Variants in WDR3 observed in about 807,000 individuals in gnomAD.
WDR3 encodes the protein WD repeat-containing protein 3.
In WDR3, 81 loss-of-function variants were observed where a neutral mutation model predicts 123.7. The observed-to-expected ratio is 0.65, with a 90% CI of 0.55 to 0.79. The LOEUF (loss-of-function observed/expected upper bound fraction) is 0.79. Among genes scored for constraint, WDR3 ranks in the 30% least tolerant of loss-of-function variants. The probability of loss-of-function intolerance (pLI) is 0.00; values close to 1 mark genes in which losing one functional copy is unlikely to be tolerated. For synonymous variants in WDR3, 390 were observed against 388.8 expected, an observed-to-expected ratio of 1.00 and a Z score of -0.04; for missense variants, 1,027 against 1,123.2, an observed-to-expected ratio of 0.91 and a Z score of 1.22.
At chr1:117,944,649 A>G (rs1651303560) in intron 11 of WDR3, among the ~76,000 whole-genome samples, 1 of 152,120 alleles carries the variant, frequency 6.6e-6, no homozygotes, top group African/African-American at 2.4e-5. Flanking sequence ...TTAATAAATG[A>G]TTACTTGCTA....
intron 4 of WDR3, among the ~76,000 whole-genome samples, chr1:117,937,727 A>G (rs181301300): frequency 6.6e-6 from 1 of 152,226 alleles, no homozygotes; most frequent in African/African-American, 2.4e-5. Flanking sequence ...TTTGCTCATG[A>G]AGGAGGATTA....
chr1:117,949,868 G>A (rs779926787), intron 14 of WDR3, 32 bp downstream of exon 14: 1 of 1,611,626 alleles, frequency 6.2e-7, no homozygotes, highest in Non-Finnish European at 8.5e-7. Context: ...CCATTTTTTG[G>A]AGTGAAAATG....
intron 5 of WDR3, 50 bp downstream of exon 5, chr1:117,938,608 A>G: frequency 6.5e-7 from 1 of 1,537,766 alleles, no homozygotes; most frequent in Non-Finnish European, 8.9e-7. Flanking sequence ...GCAAAAGGGA[A>G]AAGGTGGTGG....
At chr1:117,945,541 T>C (rs956342583) in intron 11 of WDR3, among the ~76,000 whole-genome samples, 2 of 152,208 alleles carry the variant, frequency 1.3e-5, no homozygotes, top group South Asian at 2.1e-4. Flanking sequence ...TAACACCTGA[T>C]ATACCAAATA....
In WDR3 at chr1:117,952,948, AAG is replaced by A; in HGVS notation, c.2158_2159del (p.Glu720SerfsTer4). ...LILEEEREMEREAEYEESVAK... is the reference protein window; with the variant it reads ...LILEEEREMEXEAEYEESVAK... Reference sequence around the variant, plus strand: ...AATGTATATCTATCTCATGGCAGGAAAGAGAAGCAGAATATGAGGAGAGTGTG... The same window carrying A: ...AATGTATATCTATCTCATGGCAGGAAAGAAGCAGAATATGAGGAGAGTGTG... On this transcript the variant is annotated frameshift_variant, in exon 20 of 27. Transcript: ENST00000349139. LOFTEE classifies it high-confidence loss of function. The A allele has an allele frequency of 6.2e-7, 1 of 1,613,128 alleles. No homozygotes were observed. The highest frequency in any genetic ancestry group is 8.5e-7 in the Non-Finnish European group (1 of 1,179,354).
At chr1:117,934,366 T>A in intron 2 of WDR3, 107 bp from the exon 3 acceptor site, 1 of 1,032,292 alleles carries the variant, frequency 9.7e-7, no homozygotes, top group Non-Finnish European at 1.4e-6. Flanking sequence ...TAAGAGTAAT[T>A]TGGAATTATT....
At chr1:117,939,732 C>G (rs1292285076) in intron 6 of WDR3, among the ~76,000 whole-genome samples, 160 bp downstream of exon 6, 1 of 152,170 alleles carries the variant, frequency 6.6e-6, no homozygotes, top group Non-Finnish European at 1.5e-5. Context: ...TCCTTATATG[C>G]TCATTATCCT....
At position 117,964,987 on chromosome 1, in the gene WDR3, C is replaced by T. The variant is rs1477091721; in HGVS notation, c.*5540C>T. ...TTTAATATATATCTTCTGCTCCACT[C>T]TCTTCAGCCTACAAACATGTAGGTC... On this transcript the variant is annotated 3_prime_UTR_variant, in exon 27 of 27. Transcript: ENST00000349139. 1 of 152,214 alleles carries T rather than the reference C, an allele frequency of 6.6e-6. No homozygotes were observed. The highest frequency in any genetic ancestry group is 1.5e-5 in the Non-Finnish European group (1 of 68,042). 9.4% of individuals were successfully genotyped at this position (152,214 alleles called of 1,614,324 possible).
At chr1:117,933,185 CAGAGTGAG>C in intron 1 of WDR3, 95 bp from the exon 2 acceptor site, 1 of 973,884 alleles carries the variant, frequency 1.0e-6, no homozygotes, top group Non-Finnish European at 1.5e-6. Context: ...GCCTGGGCAA[CAGAGTGAG>C]ACTCTGTCTC....
At chr1:117,958,654 T>G (rs1406391243) in intron 25 of WDR3, among the ~76,000 whole-genome samples, 5 of 152,210 alleles carry the variant, frequency 3.3e-5, no homozygotes, top group Non-Finnish European at 7.3e-5. Flanking sequence ...GGCAGGTTGC[T>G]GGGCTGGAAG....
At chr1:117,944,825 C>T (rs1198645578) in intron 11 of WDR3, among the ~76,000 whole-genome samples, 1 of 152,098 alleles carries the variant, frequency 6.6e-6, no homozygotes, top group Non-Finnish European at 1.5e-5. Context: ...TGTCAGCCTC[C>T]CGAGTAGCTG....
intron 3 of WDR3, 44 bp downstream of exon 3, chr1:117,934,726 G>A: frequency 6.2e-7 from 1 of 1,603,740 alleles, no homozygotes; most frequent in Non-Finnish European, 8.5e-7. Context: ...TTAAAGGAAT[G>A]TAAGGCTTAT....
intron 1 of WDR3, among the ~76,000 whole-genome samples, chr1:117,930,078 C>T (rs1216537931): frequency 1.3e-5 from 2 of 152,220 alleles, no homozygotes; most frequent in Non-Finnish European, 2.9e-5. Context: ...CTCCGTCACC[C>T]TCCCCTGACC....
chr1:117,937,561 A>G (rs1334126873), intron 4 of WDR3, among the ~76,000 whole-genome samples: 1 of 152,212 alleles, frequency 6.6e-6, no homozygotes, highest in Admixed American at 6.6e-5. Context: ...TCTTGTTCAG[A>G]TAACACAGGT....
intron 24 of WDR3, among the ~76,000 whole-genome samples, chr1:117,955,603 G>A (rs958798039): frequency 6.6e-6 from 1 of 152,012 alleles, no homozygotes; most frequent in East Asian, 1.9e-4. Context: ...TGTTGTAGGC[G>A]ATGAAATAAT....
chr1:117,935,806 C>T (rs530782270), intron 3 of WDR3, among the ~76,000 whole-genome samples: 3 of 151,934 alleles, frequency 2.0e-5, no homozygotes, highest in South Asian at 4.1e-4. Context: ...GATTGGAATA[C>T]TTGAAACATT....
At chr1:117,948,592 G>GTTTT (rs11370392) in intron 13 of WDR3, 86 bp downstream of exon 13, 143 of 570,132 alleles carry the variant, frequency 2.5e-4, no homozygotes, top group South Asian at 6.9e-4. Context: ...AAAGCCTGAG[G>GTTTT]TTTTTTTTTT....
intron 11 of WDR3, among the ~76,000 whole-genome samples, chr1:117,945,274 C>G (rs1205237625): frequency 6.6e-6 from 1 of 152,170 alleles, no homozygotes; most frequent in Non-Finnish European, 1.5e-5. Flanking sequence ...ACTCTACCTA[C>G]CTTACACACC....
Position 117,964,150 on chromosome 1 carries a change from A to G in WDR3, c.*4703A>G. On this transcript the variant is annotated 3_prime_UTR_variant, in exon 27 of 27. Transcript: ENST00000349139. ...GAATGTCTTCTGTTCTCCCTAGTGT[A>G]CATTTCTCTCCTAACTGTGACTGGC... The G allele has an allele frequency of 2.2e-6, 1 of 448,410 alleles. No individual in the cohort carries two copies. The allele number at this position is 448,410 out of a possible 1,614,324, so 27.8% of individuals were successfully genotyped here.
Sources: gnomAD v4.1 joint callset for allele counts (sites outside exome capture counted in the v4.1 genomes callset) on GRCh38, gnomAD v4.1.1 for gene constraint, MANE v1.5 for transcripts, NCBI Gene and HGNC (gene_info 2026-07-23, HGNC 2026-07-21) for gene names.